Variants in OLA1 observed in about 807,000 individuals in gnomAD.
The protein encoded by OLA1 is obg-like ATPase 1.
Under a neutral mutation model 48.4 loss-of-function variants are expected in OLA1, and 14 were observed. The observed-to-expected ratio is 0.29, with a 90% confidence interval of 0.19 to 0.45. OLA1 has a LOEUF of 0.45. OLA1 is among the 20% of genes least tolerant of loss of function. The pLI is 1.00. For synonymous variants in OLA1, 127 were observed against 150.4 expected, an observed-to-expected ratio of 0.84 and a Z score of 1.14; for missense variants, 325 against 467.1, an observed-to-expected ratio of 0.70 and a Z score of 2.80.
At chr2:174,245,507 C>T (rs1379102515) in intron 2 of OLA1, among the ~76,000 whole-genome samples, 1 of 152,244 alleles carries the variant, frequency 6.6e-6, no homozygotes, top group Non-Finnish European at 1.5e-5. Flanking sequence ...ATCACTTTCA[C>T]AAATCCACAC....
intron 7 of OLA1, among the ~76,000 whole-genome samples, chr2:174,082,490 C>G (rs974429163): frequency 6.6e-6 from 1 of 152,082 alleles, no homozygotes; most frequent in African/African-American, 2.4e-5. Context: ...CTGAAGAGCC[C>G]TTCACAAATA....
intron 2 of OLA1, among the ~76,000 whole-genome samples, chr2:174,232,673 A>C (rs1214111138): frequency 7.2e-5 from 11 of 152,156 alleles, no homozygotes; most frequent in Admixed American, 6.5e-4. Flanking sequence ...ATAACCTTAC[A>C]ATTATTAGGA....
intron 7 of OLA1, among the ~76,000 whole-genome samples, chr2:174,091,125 T>C (rs914569933): frequency 6.6e-6 from 1 of 152,164 alleles, no homozygotes; most frequent in African/African-American, 2.4e-5. Context: ...AAATAGATAA[T>C]AAGGGGGAAA....
intron 2 of OLA1, among the ~76,000 whole-genome samples, chr2:174,242,100 C>G (rs1424866383): frequency 1.3e-5 from 2 of 152,154 alleles, no homozygotes; most frequent in African/African-American, 4.8e-5. Context: ...CAAGTTTGGC[C>G]CCCTGACCCT....
intron 4 of OLA1, among the ~76,000 whole-genome samples, chr2:174,150,852 C>CT (rs1380671890): frequency 1.3e-5 from 2 of 152,132 alleles, no homozygotes; most frequent in Non-Finnish European, 1.5e-5. Context: ...CTAGCAAAGA[C>CT]TTTAAATCTA....
chr2:174,136,696 G>A (rs1179420729), intron 5 of OLA1, among the ~76,000 whole-genome samples: 5 of 148,116 alleles, frequency 3.4e-5, no homozygotes, highest in South Asian at 2.1e-4. Context: ...TTCCTGAGAC[G>A]AGTCTTGGTC....
intron 7 of OLA1, among the ~76,000 whole-genome samples, chr2:174,089,947 A>G (rs1685076298): frequency 6.6e-6 from 1 of 151,876 alleles, no homozygotes; most frequent in African/African-American, 2.4e-5. Flanking sequence ...TTCTTATCCT[A>G]ATAACCTCAA....
chr2:174,136,530 T>C (rs1686313076), intron 5 of OLA1, among the ~76,000 whole-genome samples: 1 of 152,204 alleles, frequency 6.6e-6, no homozygotes, highest in Non-Finnish European at 1.5e-5. Context: ...CATCTAGTTC[T>C]CTTGCTGTTT....
At chr2:174,177,220 A>G (rs927477765) in intron 4 of OLA1, among the ~76,000 whole-genome samples, 9 of 152,110 alleles carry the variant, frequency 5.9e-5, no homozygotes, top group Admixed American at 3.3e-4. Context: ...ACCATTCCCA[A>G]TGGTTCTTTT....
chr2:174,215,057 A>C (rs1574556522), intron 4 of OLA1, among the ~76,000 whole-genome samples: 1 of 152,238 alleles, frequency 6.6e-6, no homozygotes, highest in East Asian at 1.9e-4. Context: ...CAAAAAAAAA[A>C]AAAAGAATTT....
Position 174,079,152 on chromosome 2 carries a change from G to GT in OLA1, c.967-63dup, listed in dbSNP as rs1301435483. 1.8e-4 allele frequency: 266 copies of GT among 1,452,582 alleles called. 1 individual carries two copies. Among genetic ancestry groups the GT allele is most frequent in the Middle Eastern group, 5.7e-4 (3 of 5,278 alleles). The allele number at this position is 1,452,582 out of a possible 1,614,324, so 90.0% of individuals were successfully genotyped here. A position where few individuals can be genotyped will look rare whatever the true frequency, so the allele number is the denominator to read the frequency against. On this transcript the variant is annotated intron_variant, in intron 9 of 10. Coordinates refer to ENST00000284719, the MANE Select transcript of OLA1 (RefSeq NM_013341.5). Reference sequence around the variant, plus strand: ...TAAGATGACTGATTGTAAGCACAGAGTTTCTTTTCTCTGATCTGCAGTTGG... The same window carrying GT: ...TAAGATGACTGATTGTAAGCACAGAGTTTTCTTTTCTCTGATCTGCAGTTGG...
chr2:174,144,963 T>A lies in OLA1; in HGVS notation c.374-2963A>T, dbSNP rs1373655784. Among the ~76,000 whole-genome samples the A allele has an allele frequency of 3.2e-3, 378 of 119,174 alleles. 2 individuals carry two copies. The highest frequency in any genetic ancestry group is 0.011 in the Admixed American group (123 of 10,830). 78.2% of individuals were successfully genotyped at this position (119,174 alleles called of 152,430 possible). A position where few individuals can be genotyped will look rare whatever the true frequency, so the allele number is the denominator to read the frequency against. ...AAAAAAAAAAAAAAATATATATATA[T>A]ATATATATATATATATATAATCACG... is the stretch of plus-strand genomic sequence containing the variant. On this transcript the variant is annotated intron_variant, in intron 4 of 10. Coordinates refer to ENST00000284719, the MANE Select transcript of OLA1 (RefSeq NM_013341.5).
At chr2:174,244,219 T>C (rs1574578174) in intron 2 of OLA1, among the ~76,000 whole-genome samples, 1 of 152,334 alleles carries the variant, frequency 6.6e-6, no homozygotes, top group East Asian at 1.9e-4. Flanking sequence ...TACAGTTGTG[T>C]GAAGTAAGAT....
chr2:174,102,991 A>T (rs377301569), intron 7 of OLA1, among the ~76,000 whole-genome samples: 1 of 152,184 alleles, frequency 6.6e-6, no homozygotes, highest in South Asian at 2.1e-4. Context: ...GCCACTTTCA[A>T]GGAAGAAGGA....
At chr2:174,149,848 G>T (rs1039569576) in intron 4 of OLA1, among the ~76,000 whole-genome samples, 34 of 152,316 alleles carry the variant, frequency 2.2e-4, no homozygotes, top group African/African-American at 7.9e-4. Flanking sequence ...CTCTGTTTAG[G>T]ATGCTGAATC....
intron 4 of OLA1, among the ~76,000 whole-genome samples, chr2:174,147,365 T>C (rs1280321757): frequency 6.6e-6 from 1 of 151,768 alleles, no homozygotes; most frequent in Non-Finnish European, 1.5e-5. Flanking sequence ...AGGCAGAGGT[T>C]GCGGTGAGCC....
chr2:174,241,692 G>A (rs1352085108), intron 2 of OLA1, among the ~76,000 whole-genome samples: 1 of 152,220 alleles, frequency 6.6e-6, no homozygotes, highest in Non-Finnish European at 1.5e-5. Flanking sequence ...TTGGAGTGCA[G>A]TGGCACAATC....
chr2:174,169,080 G>A (rs1299635839), intron 4 of OLA1, among the ~76,000 whole-genome samples: 1 of 152,014 alleles, frequency 6.6e-6, no homozygotes, highest in African/African-American at 2.4e-5. Flanking sequence ...CAAGTAGCTG[G>A]GATTACAGGC....
At chr2:174,195,837 C>CT (rs1304175091) in intron 4 of OLA1, among the ~76,000 whole-genome samples, 1 of 152,064 alleles carries the variant, frequency 6.6e-6, no homozygotes, top group African/African-American at 2.4e-5. Context: ...ATTCTTAAAG[C>CT]TTTTTACAAA....
Sources: gnomAD v4.1 joint callset for allele counts (sites outside exome capture counted in the v4.1 genomes callset) on GRCh38, gnomAD v4.1.1 for gene constraint, MANE v1.5 for transcripts, NCBI Gene and HGNC (gene_info 2026-07-23, HGNC 2026-07-21) for gene names.